Variants in IGF1R observed in about 807,000 individuals in gnomAD.
IGF1R encodes the protein insulin-like growth factor 1 receptor.
A neutral mutation model predicts 144.6 loss-of-function variants in IGF1R; 44 were observed. The observed-to-expected ratio is 0.30, with a 90% CI of 0.24 to 0.39. The LOEUF (loss-of-function observed/expected upper bound fraction) is 0.39. Ranked by LOEUF, IGF1R falls within the 10% of genes least tolerant of loss-of-function variation. The pLI is 1.00. For missense variants in IGF1R, 1,355 were observed against 1,833.7 expected, an observed-to-expected ratio of 0.74 and a Z score of 4.77; for synonymous variants, 795 against 722.8, an observed-to-expected ratio of 1.10 and a Z score of -1.60.
intron 2 of IGF1R, among the ~76,000 whole-genome samples, chr15:98,859,031 G>A (rs2011994133): frequency 6.6e-6 from 1 of 151,936 alleles, no homozygotes; most frequent in East Asian, 1.9e-4. Context: ...AGCCTCCGGG[G>A]AGGGTTTAGC....
intron 2 of IGF1R, among the ~76,000 whole-genome samples, chr15:98,764,119 C>A (rs576890320): frequency 2.6e-5 from 4 of 152,356 alleles, no homozygotes; most frequent in African/African-American, 7.2e-5. Context: ...ATATTTAACA[C>A]CTCATCTTCT....
chr15:98,727,787 G>A (rs982080227), intron 2 of IGF1R, among the ~76,000 whole-genome samples: 1 of 152,192 alleles, frequency 6.6e-6, no homozygotes, highest in Non-Finnish European at 1.5e-5. Flanking sequence ...CTTAGTCACT[G>A]TGTGGCGGCG....
At chr15:98,940,435 C>T (rs975510625) in intron 18 of IGF1R, among the ~76,000 whole-genome samples, 3 of 152,136 alleles carry the variant, frequency 2.0e-5, no homozygotes, top group African/African-American at 7.2e-5. Context: ...CAGAGTTTTG[C>T]TCTTGTTTTC....
intron 1 of IGF1R, among the ~76,000 whole-genome samples, chr15:98,679,053 C>G (rs557414159): frequency 1.3e-5 from 2 of 151,908 alleles, no homozygotes; most frequent in East Asian, 3.9e-4. Context: ...TCTGGAGTAG[C>G]TGGGACCCAT....
chr15:98,929,429 T>A (rs2015853411), intron 13 of IGF1R, 129 bp from the exon 14 acceptor site: 1 of 751,436 alleles, frequency 1.3e-6, no homozygotes, highest in African/African-American at 1.7e-5. Flanking sequence ...CTTCAGGAAT[T>A]CTTACTGTAT....
chr15:98,883,571 A>G (rs929584597), intron 2 of IGF1R, among the ~76,000 whole-genome samples: 1 of 152,092 alleles, frequency 6.6e-6, no homozygotes, highest in Non-Finnish European at 1.5e-5. Flanking sequence ...GGTGATAGGG[A>G]TGGGGAGTAG....
chr15:98,825,197 C>T (rs2056870476), intron 2 of IGF1R, among the ~76,000 whole-genome samples: 1 of 152,166 alleles, frequency 6.6e-6, no homozygotes, highest in Non-Finnish European at 1.5e-5. Context: ...ACAGTGGCAC[C>T]ATATACAGTG....
intron 20 of IGF1R, among the ~76,000 whole-genome samples, chr15:98,953,926 C>T (rs2016876670): frequency 6.6e-6 from 1 of 152,158 alleles, no homozygotes; most frequent in South Asian, 2.1e-4. Context: ...CTCACTGAGG[C>T]ACACAGGCCC....
chr15:98,789,371 T>A (rs1422415645), intron 2 of IGF1R, among the ~76,000 whole-genome samples: 2 of 152,166 alleles, frequency 1.3e-5, no homozygotes, highest in African/African-American at 4.8e-5. Flanking sequence ...AAACCACAAC[T>A]TTAATTTATA....
At chr15:98,716,745 C>T (rs910170504) in intron 2 of IGF1R, among the ~76,000 whole-genome samples, 8 of 151,678 alleles carry the variant, frequency 5.3e-5, no homozygotes, top group African/African-American at 1.9e-4. Context: ...CTTTTCAAGT[C>T]AAGGAGGAAT....
At chr15:98,665,051 G>A (rs752887308) in intron 1 of IGF1R, among the ~76,000 whole-genome samples, 1 of 148,754 alleles carries the variant, frequency 6.7e-6, no homozygotes, top group Non-Finnish European at 1.5e-5. Context: ...TCCACCTCCC[G>A]GGTTCACGCC....
At chr15:98,710,966 G>A (rs923688512) in intron 2 of IGF1R, among the ~76,000 whole-genome samples, 1 of 152,240 alleles carries the variant, frequency 6.6e-6, no homozygotes, top group South Asian at 2.1e-4. Flanking sequence ...CACCATGCCC[G>A]ACTCTTTTTA....
intron 8 of IGF1R, among the ~76,000 whole-genome samples, chr15:98,915,600 G>A (rs2015209304): frequency 1.3e-5 from 2 of 152,226 alleles, no homozygotes; most frequent in African/African-American, 4.8e-5. Context: ...AATTGCCGGA[G>A]TGCAGCACTG....
At chr15:98,663,557 C>T (rs1286790535) in intron 1 of IGF1R, among the ~76,000 whole-genome samples, 2 of 152,256 alleles carry the variant, frequency 1.3e-5, no homozygotes, top group Admixed American at 1.3e-4. Context: ...GTGTTCCTCT[C>T]CTCTAAAAAT....
At chr15:98,658,162 A>G (rs1347162864) in intron 1 of IGF1R, among the ~76,000 whole-genome samples, 1 of 152,206 alleles carries the variant, frequency 6.6e-6, no homozygotes, top group Admixed American at 6.5e-5. Context: ...CATTAGCTTG[A>G]TGGAAAGGAA....
At chr15:98,665,388 G>C (rs1267049775) in intron 1 of IGF1R, among the ~76,000 whole-genome samples, 2 of 152,180 alleles carry the variant, frequency 1.3e-5, no homozygotes, top group Non-Finnish European at 2.9e-5. Flanking sequence ...CCTCCAGTAA[G>C]TGGGTCATTT....
intron 2 of IGF1R, among the ~76,000 whole-genome samples, chr15:98,866,363 C>CG (rs1254767320): frequency 6.6e-6 from 1 of 152,190 alleles, no homozygotes; most frequent in East Asian, 1.9e-4. Context: ...AGGTTCTCTT[C>CG]GGTTTATTTT....
intron 2 of IGF1R, among the ~76,000 whole-genome samples, chr15:98,874,655 G>A (rs1212453979): frequency 6.6e-6 from 1 of 152,174 alleles, no homozygotes; most frequent in Non-Finnish European, 1.5e-5. Flanking sequence ...TCTGCCAAGT[G>A]AAGACATTTG....
intron 2 of IGF1R, among the ~76,000 whole-genome samples, chr15:98,808,692 T>TTC (rs2056519832): frequency 6.6e-6 from 1 of 151,108 alleles, no homozygotes; most frequent in African/African-American, 2.4e-5. Context: ...TTTTTTTCTT[T>TTC]TTGAAGAGAC....
Sources: allele counts gnomAD v4.1 joint callset (sites outside exome capture counted in the v4.1 genomes callset), GRCh38; gene constraint gnomAD v4.1.1; transcripts MANE v1.5; gene names NCBI Gene and HGNC (gene_info 2026-07-23, HGNC 2026-07-21).